TMEM108: variants seen among roughly 807,000 people sequenced by gnomAD.
The protein encoded by TMEM108 is cancer/testis antigen 124.
TMEM108 carries 12 observed loss-of-function variants against 35.1 expected under a neutral mutation model. The ratio of observed to expected loss-of-function variants is 0.34; its 90% confidence interval spans 0.22 to 0.55. The LOEUF is 0.55. TMEM108 is among the 20% of genes least tolerant of loss of function. TMEM108 has a pLI of 0.89. For missense variants in TMEM108, 680 were observed against 753.3 expected (o/e 0.90, Z 1.14); for synonymous variants, 287 against 308.6 (o/e 0.93, Z 0.73).
At chr3:133,217,305 C>G (rs1405065129) in intron 2 of TMEM108, among the ~76,000 whole-genome samples, 2 of 151,798 alleles carry the variant, frequency 1.3e-5, no homozygotes, top group Admixed American at 6.6e-5. Flanking sequence ...GAGTTGAGTT[C>G]TTTATATATT....
At chr3:133,041,273 T>C (rs1943272666) in intron 1 of TMEM108, among the ~76,000 whole-genome samples, 1 of 152,148 alleles carries the variant, frequency 6.6e-6, no homozygotes, top group African/African-American at 2.4e-5. Context: ...ACGTCTCAGG[T>C]TGTAAGCATC....
At chr3:133,039,441 G>C (rs1239494706) in intron 1 of TMEM108, among the ~76,000 whole-genome samples, 1 of 152,158 alleles carries the variant, frequency 6.6e-6, no homozygotes, top group Non-Finnish European at 1.5e-5. Context: ...AGACCATTTG[G>C]CTGCCAAAAG....
chr3:133,131,158 G>A (rs1192365851), intron 2 of TMEM108, among the ~76,000 whole-genome samples: 2 of 152,076 alleles, frequency 1.3e-5, no homozygotes, highest in Non-Finnish European at 2.9e-5. Flanking sequence ...AAACTAAAAA[G>A]GGAAGGCAAT....
intron 2 of TMEM108, among the ~76,000 whole-genome samples, chr3:133,069,587 T>C (rs773929516): frequency 6.6e-6 from 1 of 152,130 alleles, no homozygotes; most frequent in African/African-American, 2.4e-5. Flanking sequence ...CAAGCTGTTC[T>C]CCTCTATATT....
At chr3:133,128,545 A>G (rs1000629460) in intron 2 of TMEM108, among the ~76,000 whole-genome samples, 10 of 152,096 alleles carry the variant, frequency 6.6e-5, no homozygotes, top group Admixed American at 2.0e-4. Flanking sequence ...TATTGCCTTT[A>G]TTGGGACTGG....
At chr3:133,122,934 T>C (rs1944371849) in intron 2 of TMEM108, among the ~76,000 whole-genome samples, 1 of 152,166 alleles carries the variant, frequency 6.6e-6, no homozygotes, top group Non-Finnish European at 1.5e-5. Context: ...TTCCTTCCTA[T>C]TGTCTCAATC....
At chr3:133,139,103 A>AATGGC (rs1418267692) in intron 2 of TMEM108, among the ~76,000 whole-genome samples, 1 of 152,066 alleles carries the variant, frequency 6.6e-6, no homozygotes, top group East Asian at 1.9e-4. Flanking sequence ...CATCCTTTTT[A>AATGGC]ATGGCTGCAT....
chr3:133,219,820 C>T (rs1351361659), intron 2 of TMEM108, among the ~76,000 whole-genome samples: 1 of 152,164 alleles, frequency 6.6e-6, no homozygotes, highest in East Asian at 1.9e-4. Context: ...GTGGAATGTT[C>T]TATATATGTC....
intron 3 of TMEM108, among the ~76,000 whole-genome samples, chr3:133,354,792 C>A (rs549419385): frequency 7.4e-6 from 1 of 134,378 alleles, no homozygotes; most frequent in East Asian, 2.5e-4. Flanking sequence ...CTTTAAATGT[C>A]ATATAACCAT....
At chr3:133,373,268 G>C (rs1033941311) in intron 3 of TMEM108, among the ~76,000 whole-genome samples, 4 of 150,796 alleles carry the variant, frequency 2.7e-5, no homozygotes, top group Non-Finnish European at 5.9e-5. Context: ...AGGATCACTT[G>C]AGCCCAGGAA....
chr3:133,388,393 G>A, intron 4 of TMEM108: 1 of 985,364 alleles, frequency 1.0e-6, no homozygotes, highest in Non-Finnish European at 1.2e-6. Context: ...GAATAAGGAG[G>A]CGGCCTGAAT....
Position 133,359,708 on chromosome 3 carries a change from T to A in TMEM108, c.41-20044T>A, listed in dbSNP as rs114762525. ...ATTACCTAAACAATCAATTAATCCA[T>A]CTGTCAGTCAACATAATTAAATTTT... On this transcript the variant is annotated intron_variant, in intron 3 of 5. Transcript: ENST00000321871. Among the ~76,000 whole-genome samples the A allele has an allele frequency of 6.6e-3, 1,002 of 152,310 alleles. 15 individuals are homozygous for A. Among genetic ancestry groups the A allele is most frequent in the African/African-American group, 0.023 (936 of 41,558 alleles).
chr3:133,110,316 A>G (rs890923526), intron 2 of TMEM108, among the ~76,000 whole-genome samples: 1 of 152,164 alleles, frequency 6.6e-6, no homozygotes, highest in African/African-American at 2.4e-5. Context: ...AGCTTCCAAC[A>G]CTGAACAGAC....
chr3:133,044,816 G>A (rs1204196914), intron 1 of TMEM108, among the ~76,000 whole-genome samples: 1 of 152,142 alleles, frequency 6.6e-6, no homozygotes. Context: ...AATTAGCTGG[G>A]CCTGGTGGCA....
intron 3 of TMEM108, among the ~76,000 whole-genome samples, chr3:133,316,539 T>C (rs1447199508): frequency 1.3e-5 from 2 of 152,136 alleles, no homozygotes; most frequent in Non-Finnish European, 2.9e-5. Flanking sequence ...TCGAAAAAGG[T>C]CTGAACCTTA....
chr3:133,208,769 A>G (rs1190945261), intron 2 of TMEM108, among the ~76,000 whole-genome samples: 1 of 151,798 alleles, frequency 6.6e-6, no homozygotes, highest in Non-Finnish European at 1.5e-5. Flanking sequence ...TGTTTAATGT[A>G]CTCATTCTCA....
intron 4 of TMEM108, chr3:133,388,075 T>C (rs2073180168): frequency 4.1e-6 from 4 of 985,424 alleles, no homozygotes; most frequent in Admixed American, 6.1e-5. Flanking sequence ...TGAAGAGCTG[T>C]TCTGTTTGTC....
At chr3:133,150,343 T>TTTTTG (rs1553740650) in intron 2 of TMEM108, among the ~76,000 whole-genome samples, 22 of 19,146 alleles carry the variant, frequency 1.1e-3, no homozygotes, top group Middle Eastern at 0.016. Flanking sequence ...GGTTATTTGG[T>TTTTTG]TTTTTTTTTT....
intron 3 of TMEM108, among the ~76,000 whole-genome samples, chr3:133,256,379 A>G (rs1420724510): frequency 6.6e-6 from 1 of 152,254 alleles, no homozygotes; most frequent in East Asian, 1.9e-4. Context: ...GGTCTTAAAT[A>G]TAAGAAGGAA....
Sources: allele counts gnomAD v4.1 joint callset (sites outside exome capture counted in the v4.1 genomes callset), GRCh38; gene constraint gnomAD v4.1.1; transcripts MANE v1.5; gene names NCBI Gene and HGNC (gene_info 2026-07-23, HGNC 2026-07-21).